The following FARP2 variants were observed in gnomAD, a reference collection of about 807,000 sequenced individuals.
FARP2 encodes the protein FERM, ARH/RhoGEF and pleckstrin domain protein 2, also known as FERM, ARHGEF and pleckstrin domain-containing protein 2.
FARP2 carries 111 observed loss-of-function variants against 130.5 expected under a neutral mutation model. That is an observed-to-expected ratio of 0.85 (90% CI 0.73 to 1.00). The LOEUF is 1.00. Among genes scored for constraint, FARP2 ranks in the 50% least tolerant of loss-of-function variants. The pLI is 0.00. For synonymous variants in FARP2, 504 were observed against 516.9 expected, an observed-to-expected ratio of 0.98 and a Z score of 0.34; for missense variants, 1,385 against 1,346.3, an observed-to-expected ratio of 1.03 and a Z score of -0.45.
intron 24 of FARP2, 134 bp downstream of exon 24, chr2:241,491,813 C>A: frequency 1.2e-6 from 1 of 819,588 alleles, no homozygotes; most frequent in South Asian, 1.9e-5. Flanking sequence ...CTTACTCTCC[C>A]CTTGGTAGAA....
At chr2:241,398,245 C>T (rs185813422) in intron 2 of FARP2, among the ~76,000 whole-genome samples, 1 of 152,244 alleles carries the variant, frequency 6.6e-6, no homozygotes, top group East Asian at 1.9e-4. Context: ...TATCCCCACC[C>T]AGAGAATGGA....
intron 8 of FARP2, among the ~76,000 whole-genome samples, chr2:241,430,849 C>T (rs755259018): frequency 6.6e-6 from 1 of 151,842 alleles, no homozygotes. Context: ...ACTAAAAATA[C>T]AAAAATTAGG....
chr2:241,492,879 AG>A (rs1168754264), intron 24 of FARP2, 49 bp from the exon 25 acceptor site: 28 of 1,078,816 alleles, frequency 2.6e-5, no homozygotes, highest in Non-Finnish European at 4.0e-5. Context: ...CACTCCCACA[AG>A]GGGTCCTGGG....
intron 22 of FARP2, among the ~76,000 whole-genome samples, chr2:241,490,859 C>T (rs1169084531): frequency 6.6e-6 from 1 of 152,228 alleles, no homozygotes; most frequent in African/African-American, 2.4e-5. Context: ...TCACAGCACC[C>T]TGGAGGTCAG....
In FARP2 at chr2:241,483,525, T is replaced by C; in HGVS notation, c.2323T>C (p.Phe775Leu). Residue 775 changes from phenylalanine to leucine, a missense_variant, in exon 20 of 27, where the codon TTT (phenylalanine) becomes CTT (leucine). Coordinates refer to ENST00000264042, the MANE Select transcript of FARP2 (RefSeq NM_014808.4). ...CAAGAAGGGCCTGCAGCAGAGGATG[T>C]TTTTTCTGGTAGGTTCTCTCCCCAC... ...LTKKGLQQRM[F>L]FLFSDMLLYT... The C allele has an allele frequency of 1.2e-6, 2 of 1,613,938 alleles. No homozygotes were observed. Among genetic ancestry groups the C allele is most frequent in the Admixed American group, 1.7e-5 (1 of 60,028 alleles).
intron 8 of FARP2, among the ~76,000 whole-genome samples, chr2:241,427,672 A>G (rs2062978158): frequency 6.6e-6 from 1 of 152,140 alleles, no homozygotes; most frequent in Admixed American, 6.5e-5. Flanking sequence ...AAGGGATTGA[A>G]CAAGCAGCTG....
intron 2 of FARP2, among the ~76,000 whole-genome samples, chr2:241,400,398 A>C (rs896383350): frequency 6.6e-6 from 1 of 152,318 alleles, no homozygotes; most frequent in South Asian, 2.1e-4. Flanking sequence ...GAGAAGGTGC[A>C]GTCCTTGCCC....
intron 19 of FARP2, among the ~76,000 whole-genome samples, 187 bp downstream of exon 19, chr2:241,476,174 A>G (rs1409794599): frequency 6.7e-6 from 1 of 148,436 alleles, no homozygotes. Flanking sequence ...GGAGTTCAAG[A>G]CCAGACTGAG....
At chr2:241,419,571 A>G (rs533917782) in intron 8 of FARP2, among the ~76,000 whole-genome samples, 1 of 152,184 alleles carries the variant, frequency 6.6e-6, no homozygotes, top group Non-Finnish European at 1.5e-5. Flanking sequence ...ATGGGAAAAC[A>G]GCCCACGAAA....
intron 13 of FARP2, among the ~76,000 whole-genome samples, chr2:241,453,810 G>GC (rs2063759731): frequency 9.4e-6 from 1 of 106,862 alleles, no homozygotes; most frequent in African/African-American, 3.6e-5. Flanking sequence ...TTGAGATGGG[G>GC]CCTTCCTCTG....
chr2:241,471,752 C>T (rs1193488789), intron 18 of FARP2, among the ~76,000 whole-genome samples: 4 of 152,130 alleles, frequency 2.6e-5, no homozygotes, highest in Non-Finnish European at 4.4e-5. Context: ...GCCTCAGCCT[C>T]CCAAAGTGCT....
chr2:241,380,007 C>G (rs982414558), intron 2 of FARP2, among the ~76,000 whole-genome samples: 1 of 152,146 alleles, frequency 6.6e-6, no homozygotes, highest in Non-Finnish European at 1.5e-5. Flanking sequence ...CCAGCTCCCC[C>G]ACCAAGCCCT....
Position 241,463,476 on chromosome 2 carries a change from C to T in FARP2, c.1811+8C>T. The T allele has an allele frequency of 6.2e-7, 1 of 1,612,230 alleles. No homozygotes were observed. Among genetic ancestry groups the T allele is most frequent in the Middle Eastern group, 1.7e-4 (1 of 6,054 alleles). On this transcript the variant is annotated splice_region_variant and intron_variant, in intron 16 of 26. Transcript: ENST00000264042. ...GCAGAGGCTGGCACTCTGGTAACACCCCTTCAGCCCCCACACGGGAGACTC... is the reference window on the plus strand; with the variant it reads ...GCAGAGGCTGGCACTCTGGTAACACTCCTTCAGCCCCCACACGGGAGACTC...
chr2:241,430,444 T>C (rs908673410), intron 8 of FARP2, among the ~76,000 whole-genome samples: 3 of 152,176 alleles, frequency 2.0e-5, no homozygotes, highest in African/African-American at 7.2e-5. Context: ...CAGACAATGC[T>C]ACACACATGT....
chr2:241,364,617 A>C (rs1198986870), intron 1 of FARP2, among the ~76,000 whole-genome samples: 1 of 152,222 alleles, frequency 6.6e-6, no homozygotes, highest in Non-Finnish European at 1.5e-5. Context: ...ACAGATGGAA[A>C]TATAGAAAGT....
chr2:241,403,057 C>T (rs1032710051), intron 2 of FARP2, among the ~76,000 whole-genome samples: 14 of 148,138 alleles, frequency 9.5e-5, no homozygotes, highest in Non-Finnish European at 1.8e-4. Flanking sequence ...TGGGAGAGTC[C>T]GTTGCCCCAC....
At chr2:241,424,842 A>G (rs1330043338) in intron 8 of FARP2, among the ~76,000 whole-genome samples, 1 of 152,228 alleles carries the variant, frequency 6.6e-6, no homozygotes, top group Non-Finnish European at 1.5e-5. Context: ...TAAAGTGGAA[A>G]ATCTAAAAGA....
At chr2:241,461,953 G>T (rs1322542635) in intron 14 of FARP2, among the ~76,000 whole-genome samples, 11 of 152,200 alleles carry the variant, frequency 7.2e-5, no homozygotes. Flanking sequence ...AGGTGTAGAG[G>T]GTCCCCTATG....
intron 13 of FARP2, among the ~76,000 whole-genome samples, chr2:241,449,304 G>GC (rs1273224962): frequency 6.7e-6 from 1 of 149,386 alleles, no homozygotes; most frequent in African/African-American, 2.5e-5. Context: ...TCCAGAAAAA[G>GC]GAAAAAAAAA....
Sources: gnomAD v4.1 joint callset for allele counts (sites outside exome capture counted in the v4.1 genomes callset) on GRCh38, gnomAD v4.1.1 for gene constraint, MANE v1.5 for transcripts, NCBI Gene and HGNC (gene_info 2026-07-23, HGNC 2026-07-21) for gene names.